The following CHID1 variants were observed in gnomAD, a reference collection of about 807,000 sequenced individuals.
CHID1 encodes chitinase domain-containing protein 1.
CHID1 carries 44 observed loss-of-function variants against 55.4 expected under a neutral mutation model. That is an observed-to-expected ratio of 0.79 (90% CI 0.62 to 1.02). CHID1 has a LOEUF of 1.02. CHID1 is among the 50% of genes least tolerant of loss of function. CHID1 has a pLI of 0.00. For synonymous variants in CHID1, 216 were observed against 212.9 expected, an observed-to-expected ratio of 1.01 and a Z score of -0.13; for missense variants, 491 against 515.3, an observed-to-expected ratio of 0.95 and a Z score of 0.46.
chr11:888,085 A>C (rs551047139), intron 8 of CHID1, among the ~76,000 whole-genome samples: 1 of 152,354 alleles, frequency 6.6e-6, no homozygotes, highest in African/African-American at 2.4e-5. Context: ...GACATGTGAC[A>C]TGCCTGTGGC....
At chr11:872,108 G>C (rs28471986) in intron 10 of CHID1, among the ~76,000 whole-genome samples, 22 of 152,174 alleles carry the variant, frequency 1.4e-4, no homozygotes, top group African/African-American at 5.3e-4. Flanking sequence ...GGCAGGGAGG[G>C]TGGGAAACAG....
intron 7 of CHID1, among the ~76,000 whole-genome samples, chr11:897,297 C>G (rs897759657): frequency 2.6e-5 from 4 of 152,194 alleles, no homozygotes; most frequent in Non-Finnish European, 5.9e-5. Flanking sequence ...GCCTCCACCC[C>G]AGACAAGAGG....
intron 8 of CHID1, among the ~76,000 whole-genome samples, chr11:890,299 G>A (rs1443777415): frequency 2.0e-5 from 3 of 152,254 alleles, no homozygotes; most frequent in Admixed American, 6.5e-5. Flanking sequence ...CAAGAGGCAG[G>A]TGGGCGACGG....
chr11:874,236 C>T (rs1292961729), intron 10 of CHID1, among the ~76,000 whole-genome samples: 2 of 152,086 alleles, frequency 1.3e-5, no homozygotes, highest in South Asian at 4.2e-4. Flanking sequence ...CTGAGGCGGG[C>T]GGATCACCTG....
At chr11:913,263 G>A (rs1852792345), upstream of CHID1, among the ~76,000 whole-genome samples, 1 of 151,938 alleles carries the variant, frequency 6.6e-6, no homozygotes, top group South Asian at 2.1e-4. Context: ...CAAACCTCCT[G>A]CGTCAGCCTC....
intron 1 of CHID1, among the ~76,000 whole-genome samples, chr11:905,100 T>C (rs1282889728): frequency 2.0e-5 from 3 of 152,096 alleles, no homozygotes; most frequent in African/African-American, 7.2e-5. Flanking sequence ...AGAAAGAAGC[T>C]TCCTCACCAT....
In CHID1 at chr11:903,832, C is replaced by A. The variant is rs371021329; in HGVS notation, c.112-721G>T. The A allele has an allele frequency of 1.3e-3, 251 of 195,534 alleles. 2 individuals carry two copies. Among genetic ancestry groups the A allele is most frequent in the African/African-American group, 4.5e-3 (188 of 41,722 alleles). 12.1% of individuals were successfully genotyped at this position (195,534 alleles called of 1,614,324 possible). A position where few individuals can be genotyped will look rare whatever the true frequency, so the allele number is the denominator to read the frequency against. On this transcript the variant is annotated intron_variant, in intron 2 of 12. Transcript: ENST00000323578. ...AGGCACACGCCACCATGCTGGCCAACCACTGCCTGCCACCGCCCCCGCCAA... is the reference window on the plus strand; with the variant it reads ...AGGCACACGCCACCATGCTGGCCAAACACTGCCTGCCACCGCCCCCGCCAA...
chr11:881,812 G>A (rs925572088), intron 10 of CHID1, among the ~76,000 whole-genome samples: 3 of 151,116 alleles, frequency 2.0e-5, no homozygotes, highest in African/African-American at 7.3e-5. Context: ...GACCAGCCTC[G>A]ACAACATGGC....
chr11:891,157 G>T (rs11828364), intron 8 of CHID1, among the ~76,000 whole-genome samples: 1 of 152,126 alleles, frequency 6.6e-6, no homozygotes, highest in East Asian at 1.9e-4. Flanking sequence ...CCAGAGTCTC[G>T]GGAGAACCCA....
intron 10 of CHID1, among the ~76,000 whole-genome samples, chr11:881,340 G>A (rs888914316): frequency 6.6e-6 from 1 of 151,996 alleles, no homozygotes; most frequent in Non-Finnish European, 1.5e-5. Context: ...TGAGATTAAC[G>A]GTAGGCTGGG....
chr11:891,574 T>C (rs1410917197), intron 8 of CHID1, among the ~76,000 whole-genome samples: 1 of 152,192 alleles, frequency 6.6e-6, no homozygotes, highest in Non-Finnish European at 1.5e-5. Flanking sequence ...TCCCCACCGA[T>C]GGCTGCTTCT....
intron 4 of CHID1, 199 bp downstream of exon 4, chr11:901,999 C>T (rs556390723): frequency 2.0e-4 from 129 of 629,572 alleles, no homozygotes; most frequent in Non-Finnish European, 3.3e-4. Context: ...TCAACACACT[C>T]ACAATCTCTT....
intron 4 of CHID1, 63 bp downstream of exon 4, chr11:902,135 C>A: frequency 6.3e-7 from 1 of 1,599,106 alleles, no homozygotes; most frequent in Non-Finnish European, 8.6e-7. Context: ...CACACCCCTG[C>A]TCTCGCACTC....
intron 8 of CHID1, among the ~76,000 whole-genome samples, chr11:889,167 CT>C (rs1241992662): frequency 6.6e-6 from 1 of 152,176 alleles, no homozygotes; most frequent in East Asian, 1.9e-4. Flanking sequence ...GAACAGCGTC[CT>C]CCCAGATCCG....
chr11:904,687 G>A lies in CHID1; in HGVS notation c.111+19C>T, dbSNP rs766683008. 1.9e-6 allele frequency: 3 copies of A among 1,613,836 alleles called. No individual in the cohort carries two copies. In the East Asian group the frequency reaches 6.7e-5, roughly 36 times the overall value. On this transcript the variant is annotated intron_variant, in intron 2 of 12. Transcript: ENST00000323578. ...CCCTCAGCCAGTACAGTCACCTCAAGTCCCCAGGCCACCCTTACCTTCTCC... is the reference window on the plus strand; with the variant it reads ...CCCTCAGCCAGTACAGTCACCTCAAATCCCCAGGCCACCCTTACCTTCTCC...
chr11:905,087 C>G (rs1852112370), intron 1 of CHID1, among the ~76,000 whole-genome samples: 1 of 152,198 alleles, frequency 6.6e-6, no homozygotes, highest in Non-Finnish European at 1.5e-5. Context: ...CTCCTAGATA[C>G]CCAGAAAGAA....
At chr11:885,413 G>A (rs921769786) in intron 8 of CHID1, among the ~76,000 whole-genome samples, 4 of 152,172 alleles carry the variant, frequency 2.6e-5, no homozygotes, top group Non-Finnish European at 2.9e-5. Context: ...AGGCCCCAGA[G>A]TCTGTCCACC....
chr11:883,406 C>A, intron 9 of CHID1, 103 bp from the exon 10 acceptor site: 1 of 1,199,054 alleles, frequency 8.3e-7, no homozygotes, highest in Non-Finnish European at 1.2e-6. Flanking sequence ...CATGCTGCGG[C>A]TGACACCTCT....
intron 1 of CHID1, among the ~76,000 whole-genome samples, chr11:906,799 C>T (rs1200967599): frequency 6.6e-6 from 1 of 152,110 alleles, no homozygotes; most frequent in Non-Finnish European, 1.5e-5. Flanking sequence ...GAGGCCAAGG[C>T]AGGCAGATCA....
Sources: allele counts gnomAD v4.1 joint callset (sites outside exome capture counted in the v4.1 genomes callset), GRCh38; gene constraint gnomAD v4.1.1; transcripts MANE v1.5; gene names NCBI Gene and HGNC (gene_info 2026-07-23, HGNC 2026-07-21).